CIP2A: variants seen among roughly 807,000 people sequenced by gnomAD.
CIP2A encodes protein CIP2A.
Under a neutral mutation model 110.9 loss-of-function variants are expected in CIP2A, and 103 were observed. That is an observed-to-expected ratio of 0.93 (90% CI 0.79 to 1.09). The LOEUF (loss-of-function observed/expected upper bound fraction) is 1.09, where lower values mean the gene tolerates loss of function less well. Ranked by LOEUF, CIP2A falls within the 50% of genes least tolerant of loss-of-function variation. The pLI is 0.00. For missense variants in CIP2A, 1,088 were observed against 1,038.4 expected, an observed-to-expected ratio of 1.05 and a Z score of -0.66; for synonymous variants, 381 against 361.6, an observed-to-expected ratio of 1.05 and a Z score of -0.61.
chr3:108,566,396 TAA>T, intron 11 of CIP2A, 99 bp downstream of exon 11: 2 of 870,696 alleles, frequency 2.3e-6, no homozygotes, highest in Non-Finnish European at 3.6e-6. Context: ...TGTTATATCT[TAA>T]GTTATAACCA....
At chr3:108,551,800 A>G (rs78413213) in intron 20 of CIP2A, among the ~76,000 whole-genome samples, 4,935 of 152,196 alleles carry the variant, frequency 0.032, 251 homozygotes, top group African/African-American at 0.11. Context: ...TAATATAGAA[A>G]GAACCCCGGA....
chr3:108,566,375 G>A, intron 11 of CIP2A, 122 bp downstream of exon 11: 1 of 686,170 alleles, frequency 1.5e-6, no homozygotes, highest in Non-Finnish European at 2.4e-6. Flanking sequence ...ATGAAAATAT[G>A]TTTGTTAATC....
intron 3 of CIP2A, 114 bp downstream of exon 3, chr3:108,582,863 A>G: frequency 4.3e-6 from 2 of 464,574 alleles, no homozygotes; most frequent in Non-Finnish European, 3.8e-6. Context: ...GTGCCTAATC[A>G]TGTAGTATTT....
chr3:108,578,911 A>T (rs180794038), intron 7 of CIP2A, among the ~76,000 whole-genome samples: 235 of 152,300 alleles, frequency 1.5e-3, no homozygotes, highest in African/African-American at 5.2e-3. Context: ...TTTATTTATA[A>T]TTTATGTAGA....
chr3:108,568,389 G>T, intron 9 of CIP2A, 75 bp from the exon 10 acceptor site: 1 of 1,197,088 alleles, frequency 8.4e-7, no homozygotes, highest in Non-Finnish European at 1.2e-6. Context: ...TCACTGAATT[G>T]TAACACTCTC....
chr3:108,575,298 GTGTACGTACACACAC>G (rs1559698611), intron 8 of CIP2A, among the ~76,000 whole-genome samples: 1 of 150,126 alleles, frequency 6.7e-6, no homozygotes, highest in African/African-American at 2.5e-5. Flanking sequence ...GTACACACAC[GTGTACGTACACACAC>G]GTGCATGTAC....
intron 7 of CIP2A, 135 bp downstream of exon 7, chr3:108,579,146 C>A: frequency 1.5e-6 from 1 of 657,402 alleles, no homozygotes; most frequent in East Asian, 2.7e-5. Flanking sequence ...GAGTAAAGCA[C>A]ATCAAAACAT....
chr3:108,587,850 T>C (rs946223802), intron 1 of CIP2A, among the ~76,000 whole-genome samples: 6 of 152,148 alleles, frequency 3.9e-5, no homozygotes, highest in African/African-American at 1.2e-4. Flanking sequence ...TGGAGCGATC[T>C]CTACTTATGC....
intron 8 of CIP2A, among the ~76,000 whole-genome samples, chr3:108,574,094 C>T (rs1938486443): frequency 6.6e-6 from 1 of 152,032 alleles, no homozygotes; most frequent in South Asian, 2.1e-4. Context: ...AAAAAGGCAA[C>T]TCACAGAATG....
At position 108,579,658 on chromosome 3, in the gene CIP2A, T is replaced by A. The variant is rs149558836; in HGVS notation, c.580A>T (p.Ile194Phe). 10 of 1,587,584 alleles carry A rather than the reference T, an allele frequency of 6.3e-6. No homozygotes were observed. Among genetic ancestry groups the A allele is most frequent in the Non-Finnish European group, 7.7e-6 (9 of 1,169,728 alleles). Residue 194 changes from isoleucine (I) to phenylalanine (F), a missense_variant, in exon 6 of 21, where the codon ATC becomes TTC. Coordinates refer to ENST00000295746, the MANE Select transcript of CIP2A (RefSeq NM_020890.3). ...AAACTACTATGGGCCAACAAGGTGA[T>A]AAGAGTTCGATAAAAAGATTTCACA... is the stretch of plus-strand genomic sequence containing the variant. ...SNVKSFYRTL[I>F]TLLAHSSLTV...
intron 18 of CIP2A, 55 bp from the exon 19 acceptor site, chr3:108,553,785 A>T: frequency 6.9e-7 from 1 of 1,443,710 alleles, no homozygotes; most frequent in Non-Finnish European, 9.4e-7. Flanking sequence ...TACCATTTGT[A>T]ACTTTTTCTC....
intron 8 of CIP2A, among the ~76,000 whole-genome samples, chr3:108,573,332 T>TA (rs1455101732): frequency 6.6e-6 from 1 of 152,036 alleles, no homozygotes; most frequent in Admixed American, 6.6e-5. Context: ...ATTACATATT[T>TA]AAAAAAAGAC....
intron 11 of CIP2A, 28 bp from the exon 12 acceptor site, chr3:108,565,482 G>T (rs753211003): frequency 4.2e-5 from 53 of 1,274,032 alleles, no homozygotes; most frequent in Non-Finnish European, 5.9e-5. Flanking sequence ...ATTTAAATTA[G>T]ATAACTGAAA....
intron 16 of CIP2A, among the ~76,000 whole-genome samples, chr3:108,558,622 TA>T (rs1488207587): frequency 6.6e-6 from 1 of 152,090 alleles, no homozygotes; most frequent in African/African-American, 2.4e-5. Flanking sequence ...GAGATAAGCG[TA>T]GGTTTGATAC....
chr3:108,561,874 G>A (rs929725815), intron 13 of CIP2A, among the ~76,000 whole-genome samples: 5 of 152,064 alleles, frequency 3.3e-5, no homozygotes, highest in Admixed American at 6.6e-5. Context: ...TCAAAATGGT[G>A]GGAAGGCCTC....
At position 108,575,723 on chromosome 3, in the gene CIP2A, TATATATAC is replaced by T. The variant is rs1316937314; in HGVS notation, c.894+540_894+547del. On this transcript the variant is annotated intron_variant, in intron 8 of 20. Transcript: ENST00000295746. Reference sequence around the variant, plus strand: ...GTGTATATATACTCATATACATGTGTATATATACGTGTATATATACTCATATACATGTG... The same window carrying T: ...GTGTATATATACTCATATACATGTGTGTGTATATATACTCATATACATGTG... Among the ~76,000 whole-genome samples, 7 of 45,892 alleles carry T rather than the reference TATATATAC, an allele frequency of 1.5e-4. 2 individuals carry two copies. The highest frequency in any genetic ancestry group is 6.2e-4 in the African/African-American group (7 of 11,216). The allele number at this position is 45,892 out of a possible 152,430, so 30.1% of individuals were successfully genotyped here.
At chr3:108,572,477 A>T (rs2107344749) in intron 8 of CIP2A, among the ~76,000 whole-genome samples, 1 of 152,122 alleles carries the variant, frequency 6.6e-6, no homozygotes, top group African/African-American at 2.4e-5. Flanking sequence ...ACTGTTGTCA[A>T]TCTGAAGACC....
At chr3:108,587,456 T>C (rs1355776751) in intron 1 of CIP2A, among the ~76,000 whole-genome samples, 3 of 152,174 alleles carry the variant, frequency 2.0e-5, no homozygotes, top group Admixed American at 6.5e-5. Context: ...CCAAACCTTA[T>C]GTGAAGAGGC....
chr3:108,551,861 T>C (rs1341298476), intron 20 of CIP2A, among the ~76,000 whole-genome samples: 1 of 152,148 alleles, frequency 6.6e-6, no homozygotes, highest in African/African-American at 2.4e-5. Context: ...TGTGTGACTT[T>C]AGTAAGTAAC....
Sources: allele counts gnomAD v4.1 joint callset (sites outside exome capture counted in the v4.1 genomes callset), GRCh38; gene constraint gnomAD v4.1.1; transcripts MANE v1.5; gene names NCBI Gene and HGNC (gene_info 2026-07-23, HGNC 2026-07-21).